ZBTB7C: variants seen among roughly 807,000 people sequenced by gnomAD.
ZBTB7C encodes zinc finger and BTB domain-containing protein 7C.
A neutral mutation model predicts 25.7 loss-of-function variants in ZBTB7C; 8 were observed. The ratio of observed to expected loss-of-function variants is 0.31; its 90% CI spans 0.18 to 0.56. The LOEUF (loss-of-function observed/expected upper bound fraction) is 0.56, where lower values mean the gene tolerates loss of function less well. ZBTB7C is among the 20% of genes least tolerant of loss of function. ZBTB7C has a pLI of 0.91. For missense variants in ZBTB7C, 824 were observed against 855.2 expected (o/e 0.96, Z 0.46); for synonymous variants, 394 against 369.0 (o/e 1.07, Z -0.78).
Position 48,290,397 on chromosome 18 carries a change from C to T in ZBTB7C, c.-79+47777G>A, listed in dbSNP as rs368916786. On this transcript the variant is annotated intron_variant, in intron 2 of 4. Transcript: ENST00000590800. The stretch of plus-strand genomic sequence containing the variant: ...TACTGAGGGGTAGCAGGACTCTGTG[C>T]GGGGAGAGGGTGGGCAATGGCTTCT... Among the ~76,000 whole-genome samples the T allele has an allele frequency of 3.7e-4, 56 of 152,296 alleles. 1 individual carries two copies. Among genetic ancestry groups the T allele is most frequent in the African/African-American group, 1.3e-3 (55 of 41,574 alleles).
intron 3 of ZBTB7C, among the ~76,000 whole-genome samples, chr18:48,094,750 G>C (rs765735254): frequency 1.3e-5 from 2 of 152,154 alleles, no homozygotes; most frequent in Non-Finnish European, 2.9e-5. Flanking sequence ...ATTGCAGTGA[G>C]TTACACAGTG....
At chr18:48,352,194 G>A (rs559761323) in intron 1 of ZBTB7C, among the ~76,000 whole-genome samples, 110 of 152,354 alleles carry the variant, frequency 7.2e-4, no homozygotes, top group African/African-American at 2.4e-3. Context: ...CCACTTGACT[G>A]TGAGCACTCT....
upstream of ZBTB7C, chr18:48,409,417 C>T (rs1179263944): frequency 6.8e-6 from 1 of 146,754 alleles, no homozygotes; most frequent in African/African-American, 2.5e-5. Context: ...GAGCGGGCAG[C>T]TCCTCCCTCC....
chr18:48,389,226 C>CGTG (rs1568418211), intron 1 of ZBTB7C, among the ~76,000 whole-genome samples: 35 of 110,152 alleles, frequency 3.2e-4, no homozygotes, highest in South Asian at 2.7e-3. Flanking sequence ...CTCTCTCTCT[C>CGTG]TCTCTCTCTC....
At chr18:48,139,007 T>C (rs116172917) in intron 3 of ZBTB7C, among the ~76,000 whole-genome samples, 3 of 151,682 alleles carry the variant, frequency 2.0e-5, no homozygotes. Flanking sequence ...GACTGGAGAG[T>C]GGGGCAAGGT....
intron 1 of ZBTB7C, among the ~76,000 whole-genome samples, chr18:48,368,384 GA>G (rs746332404): frequency 1.2e-4 from 18 of 151,364 alleles, no homozygotes; most frequent in African/African-American, 4.1e-4. Flanking sequence ...CTGATAGATA[GA>G]AAAAAAAAGT....
chr18:48,393,331 G>A (rs1224787567), intron 1 of ZBTB7C, among the ~76,000 whole-genome samples: 1 of 147,774 alleles, frequency 6.8e-6, no homozygotes, highest in East Asian at 2.0e-4. Context: ...TGCAGGGAAG[G>A]TGAAGCTAGA....
chr18:48,241,158 C>T (rs1412909535), intron 2 of ZBTB7C, among the ~76,000 whole-genome samples: 1 of 151,930 alleles, frequency 6.6e-6, no homozygotes, highest in Non-Finnish European at 1.5e-5. Context: ...GATCACAATC[C>T]TAAATATATA....
intron 2 of ZBTB7C, among the ~76,000 whole-genome samples, chr18:48,211,275 G>A (rs2042696033): frequency 6.6e-6 from 1 of 152,082 alleles, no homozygotes; most frequent in Non-Finnish European, 1.5e-5. Flanking sequence ...ATGACCTTGT[G>A]TATGATGGTG....
chr18:48,298,172 C>T (rs62086489), intron 2 of ZBTB7C, among the ~76,000 whole-genome samples: 2,309 of 151,612 alleles, frequency 0.015, 21 homozygotes, highest in Non-Finnish European at 0.022. Context: ...CCCAGCTACT[C>T]GGAAGGCTGC....
intron 2 of ZBTB7C, among the ~76,000 whole-genome samples, chr18:48,258,174 A>C (rs1289111855): frequency 6.6e-6 from 1 of 152,238 alleles, no homozygotes; most frequent in Admixed American, 6.5e-5. Context: ...TCAGAAAAAA[A>C]GTCAAGGCTA....
At chr18:48,374,207 C>A (rs180965924) in intron 1 of ZBTB7C, 2 of 152,354 alleles carry the variant, frequency 1.3e-5, no homozygotes, top group African/African-American at 4.8e-5. Flanking sequence ...GTAAGCATGG[C>A]CTCATACAGC....
intron 2 of ZBTB7C, among the ~76,000 whole-genome samples, chr18:48,271,558 A>G (rs1026021996): frequency 3.4e-5 from 5 of 148,102 alleles, no homozygotes; most frequent in Non-Finnish European, 6.0e-5. Flanking sequence ...AATATATTAT[A>G]TAATTATATT....
chr18:48,235,579 T>C (rs2043357793), intron 2 of ZBTB7C, among the ~76,000 whole-genome samples: 2 of 152,220 alleles, frequency 1.3e-5, no homozygotes, highest in African/African-American at 2.4e-5. Context: ...CATTGCATCT[T>C]AGATCCTCCT....
At chr18:48,407,552 C>T (rs528268309) in intron 1 of ZBTB7C, among the ~76,000 whole-genome samples, 1 of 152,338 alleles carries the variant, frequency 6.6e-6, no homozygotes, top group African/African-American at 2.4e-5. Flanking sequence ...AGGCCTTGCC[C>T]AGGGAAGTCT....
intron 3 of ZBTB7C, among the ~76,000 whole-genome samples, chr18:48,103,106 T>G (rs79581701): frequency 4.5e-5 from 4 of 88,992 alleles, no homozygotes; most frequent in Non-Finnish European, 6.0e-5. Flanking sequence ...TATTATATAT[T>G]TTATATTATC....
rs927170929 is a variant in ZBTB7C, at chr18:48,095,445, C to T, written c.-16-54322G>A. ...GGGCCGAGCACGGTGGCTCATGCCA[C>T]CCATGTAACTAATCCCAGCACTTTG... is the stretch of plus-strand genomic sequence containing the variant. On this transcript the variant is annotated intron_variant, in intron 3 of 4. Coordinates refer to ENST00000590800, the MANE Select transcript of ZBTB7C (RefSeq NM_001318841.2). Among the ~76,000 whole-genome samples the T allele has an allele frequency of 3.9e-5, 6 of 152,186 alleles. No homozygotes were observed. The South Asian group carries it at 1.2e-3, about 32-fold the overall frequency.
At chr18:48,246,802 G>GC (rs1367158225) in intron 2 of ZBTB7C, among the ~76,000 whole-genome samples, 1 of 151,954 alleles carries the variant, frequency 6.6e-6, no homozygotes, top group Non-Finnish European at 1.5e-5. Flanking sequence ...CCCATCCCAT[G>GC]CCCCCAACAA....
intron 1 of ZBTB7C, chr18:48,408,789 C>T (rs973263625): frequency 6.6e-6 from 1 of 151,732 alleles, no homozygotes; most frequent in African/African-American, 2.4e-5. Flanking sequence ...CAGGCGCCGC[C>T]GAGCCCCGGG....
Sources: allele counts gnomAD v4.1 joint callset (sites outside exome capture counted in the v4.1 genomes callset), GRCh38; gene constraint gnomAD v4.1.1; transcripts MANE v1.5; gene names NCBI Gene and HGNC (gene_info 2026-07-23, HGNC 2026-07-21).